ENTREP2: variants seen among roughly 807,000 people sequenced by gnomAD.
The protein encoded by ENTREP2 is protein ENTREP2.
the ENTREP2 span, among the ~76,000 whole-genome samples, chr15:29,414,702 A>G: frequency 6.6e-6 from 1 of 152,204 alleles, no homozygotes; most frequent in Middle Eastern, 3.2e-3. Context: ...AAATCAATGA[A>G]TCCAGGAGCT....
the ENTREP2 span, among the ~76,000 whole-genome samples, chr15:29,460,503 G>A: frequency 0.57 from 87,172 of 151,700 alleles, 25,213 homozygotes; most frequent in Non-Finnish European, 0.61. Flanking sequence ...ACGGTGGCGC[G>A]TGCCTGTATT....
At chr15:29,460,036 G>A in the ENTREP2 span, among the ~76,000 whole-genome samples, 8 of 152,166 alleles carry the variant, frequency 5.3e-5, no homozygotes, top group Non-Finnish European at 1.2e-4. Context: ...TGCTTGAGAT[G>A]AGAAGTTCAA....
At chr15:29,649,839 G>C in the ENTREP2 span, among the ~76,000 whole-genome samples, 7 of 152,128 alleles carry the variant, frequency 4.6e-5, no homozygotes, top group East Asian at 1.2e-3. Flanking sequence ...ATGGAGCAAG[G>C]ATGGCCTCTT....
the ENTREP2 span, among the ~76,000 whole-genome samples, chr15:29,423,200 C>T: frequency 1.3e-5 from 2 of 152,126 alleles, no homozygotes; most frequent in Non-Finnish European, 2.9e-5. Context: ...ATCTTTTTAA[C>T]TCAGAATACA....
chr15:29,587,960 G>T, the ENTREP2 span, among the ~76,000 whole-genome samples: 1 of 152,170 alleles, frequency 6.6e-6, no homozygotes, highest in Non-Finnish European at 1.5e-5. Context: ...CGCCCGGCTG[G>T]AAGTGTCTTT....
the ENTREP2 span, among the ~76,000 whole-genome samples, chr15:29,149,941 AAAC>A: frequency 1.3e-5 from 2 of 152,190 alleles, no homozygotes; most frequent in African/African-American, 4.8e-5. Flanking sequence ...CTCAGCGAGG[AAAC>A]AACAGGGCTT....
chr15:29,478,015 A>ATTTTT, the ENTREP2 span, among the ~76,000 whole-genome samples: 52 of 62,378 alleles, frequency 8.3e-4, 3 homozygotes, highest in African/African-American at 2.4e-3. Context: ...ATATATATAT[A>ATTTTT]TATATTTTTT....
chr15:29,252,513 C>T, the ENTREP2 span: 11 of 1,280,560 alleles, frequency 8.6e-6, no homozygotes, highest in Non-Finnish European at 1.2e-5. Context: ...TGATTATTCA[C>T]TTGGAGAGGC....
chr15:29,143,709 T>C, the ENTREP2 span, among the ~76,000 whole-genome samples: 1 of 152,146 alleles, frequency 6.6e-6, no homozygotes, highest in Non-Finnish European at 1.5e-5. Flanking sequence ...CTTTATAAAT[T>C]AGTGCTTCTC....
chr15:29,395,699 C>T, the ENTREP2 span, among the ~76,000 whole-genome samples: 3 of 146,316 alleles, frequency 2.1e-5, no homozygotes, highest in East Asian at 5.9e-4. Flanking sequence ...AGCTAGTTTT[C>T]GTATTTTTTT....
chr15:29,524,304 T>A, the ENTREP2 span, among the ~76,000 whole-genome samples: 38 of 152,158 alleles, frequency 2.5e-4, no homozygotes, highest in African/African-American at 8.7e-4. Flanking sequence ...GAAAAGCACA[T>A]CAAAACCACA....
chr15:29,635,204 C>T, the ENTREP2 span, among the ~76,000 whole-genome samples: 5 of 152,142 alleles, frequency 3.3e-5, no homozygotes, highest in East Asian at 1.9e-4. Context: ...GTGATCAACT[C>T]AACCTCCACG....
chr15:29,121,102 C>T, the ENTREP2 span: 3 of 152,276 alleles, frequency 2.0e-5, no homozygotes, highest in South Asian at 2.1e-4. Context: ...GTACAGTTTC[C>T]GTATCCACAA....
At chr15:29,136,278 C>A in the ENTREP2 span, 1 of 1,357,198 alleles carries the variant, frequency 7.4e-7, no homozygotes, top group South Asian at 1.7e-5. Flanking sequence ...GGACCTGGCG[C>A]GGTGTGAGGT....
the ENTREP2 span, among the ~76,000 whole-genome samples, chr15:29,264,350 G>A: frequency 6.6e-6 from 1 of 151,994 alleles, no homozygotes; most frequent in African/African-American, 2.4e-5. Flanking sequence ...AGAGACCCAT[G>A]GGTCTATACA....
the ENTREP2 span, among the ~76,000 whole-genome samples, chr15:29,416,914 TC>T: frequency 8.5e-5 from 13 of 152,182 alleles, no homozygotes; most frequent in East Asian, 1.9e-4. Flanking sequence ...TCACTGGCCA[TC>T]AGAGAAATGC....
At chr15:29,329,362 CAAA>C in the ENTREP2 span, among the ~76,000 whole-genome samples, 2 of 98,440 alleles carry the variant, frequency 2.0e-5, no homozygotes, top group African/African-American at 3.2e-5. Context: ...GGCTCCGTCT[CAAA>C]AAAAAAAAAA....
the ENTREP2 span, among the ~76,000 whole-genome samples, chr15:29,650,153 A>G: frequency 6.6e-6 from 1 of 152,144 alleles, no homozygotes; most frequent in Non-Finnish European, 1.5e-5. Context: ...TCTCAAGTAG[A>G]AAAGCCACTG....
chr15:29,163,417 T>C, the ENTREP2 span, among the ~76,000 whole-genome samples: 1 of 151,156 alleles, frequency 6.6e-6, no homozygotes, highest in Admixed American at 6.6e-5. Flanking sequence ...CAAAAAACGA[T>C]ACAAGAAGTG....
Sources: allele counts gnomAD v4.1 joint callset (sites outside exome capture counted in the v4.1 genomes callset), GRCh38; gene constraint gnomAD v4.1.1; transcripts MANE v1.5; gene names NCBI Gene and HGNC (gene_info 2026-07-23, HGNC 2026-07-21).